CWF19L2: variants seen among roughly 807,000 people sequenced by gnomAD.
The protein encoded by CWF19L2 is CWF19-like protein 2.
A neutral mutation model predicts 111.7 loss-of-function variants in CWF19L2; 98 were observed. The observed-to-expected ratio is 0.88, with a 90% CI of 0.75 to 1.04. The LOEUF is 1.04. Among genes scored for constraint, CWF19L2 ranks in the 50% least tolerant of loss-of-function variants. The probability of loss-of-function intolerance (pLI) is 0.00; values close to 1 mark genes in which losing one functional copy is unlikely to be tolerated. For synonymous variants in CWF19L2, 351 were observed against 342.9 expected, an observed-to-expected ratio of 1.02 and a Z score of -0.26; for missense variants, 1,101 against 1,051.4, an observed-to-expected ratio of 1.05 and a Z score of -0.65.
chr11:107,353,695 G>C lies in CWF19L2; in HGVS notation c.1914C>G (p.Asp638Glu). The stretch of plus-strand genomic sequence containing the variant: ...TCTCAGCTGCTTTGGAGACAAACAT[G>C]TCATCCAGGGTGTAATAGTCTCCAT... ...KTDGDYYTLD[D>E]MFVSKAAERE... The change falls in exon 13 of 18, where the codon GAC becomes GAG. Residue 638 changes from aspartate (D) to glutamate (E), a missense_variant. Asp to Glu is a conservative substitution (Grantham distance 45, BLOSUM62 2). Coordinates refer to ENST00000282251, the MANE Select transcript of CWF19L2 (RefSeq NM_152434.3). The C allele has an allele frequency of 6.2e-7, 1 of 1,613,702 alleles. No individual in the cohort carries two copies. Among genetic ancestry groups the C allele is most frequent in the South Asian group, 1.1e-5 (1 of 91,074 alleles).
At chr11:107,443,237 T>C (rs1249101485) in intron 3 of CWF19L2, among the ~76,000 whole-genome samples, 188 bp from the exon 4 acceptor site, 1 of 152,116 alleles carries the variant, frequency 6.6e-6, no homozygotes, top group Non-Finnish European at 1.5e-5. Context: ...TCTCAGCACT[T>C]TGGGAGGCTG....
chr11:107,392,265 G>A (rs531447694), intron 11 of CWF19L2, among the ~76,000 whole-genome samples: 34 of 152,286 alleles, frequency 2.2e-4, no homozygotes, highest in African/African-American at 7.9e-4. Context: ...ACTTGAGAAA[G>A]CTGAATATGT....
At chr11:107,378,938 G>A (rs577910368) in intron 12 of CWF19L2, among the ~76,000 whole-genome samples, 122 of 152,258 alleles carry the variant, frequency 8.0e-4, no homozygotes, top group Middle Eastern at 3.4e-3. Flanking sequence ...TGACAGACTG[G>A]ATGTGGAGAA....
intron 12 of CWF19L2, among the ~76,000 whole-genome samples, chr11:107,388,158 T>C (rs976329622): frequency 2.0e-5 from 3 of 152,176 alleles, no homozygotes; most frequent in Admixed American, 6.5e-5. Flanking sequence ...CTGTTGAAAA[T>C]ATCATCGCAG....
rs748896659 is a variant in CWF19L2, at chr11:107,418,276, C to T, written c.1445G>A (p.Arg482His). ...TKSTFAGSPERESIHILSVDE... is the reference protein window; with the variant it reads ...TKSTFAGSPEHESIHILSVDE... ...AACACTCAGGATGTGAATGGACTCA[C>T]GCTCTGGACTGCTATTGGAATAGGA... is the stretch of plus-strand genomic sequence containing the variant. Residue 482 changes from arginine (R) to histidine (H), a missense_variant, in exon 9 of 18, where the codon CGT becomes CAT. Physicochemically the swap from Arg to His is conservative, Grantham distance 29 (BLOSUM62 0). Coordinates refer to ENST00000282251, the MANE Select transcript of CWF19L2 (RefSeq NM_152434.3). 5.6e-6 allele frequency: 9 copies of T among 1,609,808 alleles called. No individual in the cohort carries two copies. Among genetic ancestry groups the T allele is most frequent in the East Asian group, 2.2e-5 (1 of 44,860 alleles).
At chr11:107,386,308 C>T (rs1215701008) in intron 12 of CWF19L2, among the ~76,000 whole-genome samples, 1 of 152,114 alleles carries the variant, frequency 6.6e-6, no homozygotes, top group Non-Finnish European at 1.5e-5. Context: ...GCCGCCACTC[C>T]TGTTCATTTT....
chr11:107,442,822 GA>G, intron 4 of CWF19L2, 116 bp downstream of exon 4: 1 of 499,446 alleles, frequency 2.0e-6, no homozygotes, highest in Admixed American at 3.1e-5. Flanking sequence ...GAGGGAGGGG[GA>G]GGGAGGGAGA....
Position 107,392,877 on chromosome 11 carries a change from C to T in CWF19L2, c.1636G>A (p.Val546Ile). Residue 546 changes from valine to isoleucine, a missense_variant, in exon 11 of 18, where the codon GTA becomes ATA. Coordinates refer to ENST00000282251, the MANE Select transcript of CWF19L2 (RefSeq NM_152434.3). ...GACTGATCTGTTCTGACAAGGATTA[C>T]TTCTTGCTGGTCTTCATTCTATAAA... ...SGVENEDQQE[V>I]ILVRTDQSGR... 1 of 1,566,456 alleles carries T rather than the reference C, an allele frequency of 6.4e-7. No homozygotes were observed. The highest frequency in any genetic ancestry group is 2.1e-5 in the Admixed American group (1 of 48,018).
Position 107,416,135 on chromosome 11 carries a change from T to C in CWF19L2, c.1617+74A>G, listed in dbSNP as rs182044722. On this transcript the variant is annotated intron_variant, in intron 10 of 17. Coordinates refer to ENST00000282251, the MANE Select transcript of CWF19L2 (RefSeq NM_152434.3). ...AAATAAAATAAAAAATAAAATAAAA[T>C]AAAATAAAATATTACCACTGCCCGG... The C allele has an allele frequency of 2.1e-4, 80 of 384,316 alleles. No individual in the cohort carries two copies. In the Admixed American group the frequency reaches 2.2e-3, roughly 11 times the overall value. The allele number at this position is 384,316 out of a possible 1,614,324, so 23.8% of individuals were successfully genotyped here. A position where few individuals can be genotyped will look rare whatever the true frequency, so the allele number is the denominator to read the frequency against.
At chr11:107,360,762 C>A (rs1203624131) in intron 12 of CWF19L2, among the ~76,000 whole-genome samples, 5 of 152,106 alleles carry the variant, frequency 3.3e-5, no homozygotes, top group South Asian at 2.1e-4. Flanking sequence ...TTTTCATTTA[C>A]CTGTTGACCA....
chr11:107,371,785 T>C lies in CWF19L2; in HGVS notation c.1873-18049A>G, dbSNP rs571069142. 9.3e-4 allele frequency among the ~76,000 whole-genome samples: 128 copies of C among 137,080 alleles called. 25 individuals carry two copies. The highest frequency in any genetic ancestry group is 5.7e-4 in the Admixed American group (8 of 13,950). The allele number at this position is 137,080 out of a possible 152,430, so 89.9% of individuals were successfully genotyped here. A position where few individuals can be genotyped will look rare whatever the true frequency, so the allele number is the denominator to read the frequency against. ...TGACAATTTCTCCGCAGCTCGGTCA[T>C]TGCTGTCACCATTCTGACATTCTTA... On this transcript the variant is annotated intron_variant, in intron 12 of 17. Coordinates refer to ENST00000282251, the MANE Select transcript of CWF19L2 (RefSeq NM_152434.3).
intron 14 of CWF19L2, 61 bp from the exon 15 acceptor site, chr11:107,336,774 T>G: frequency 1.1e-6 from 1 of 890,552 alleles, no homozygotes; most frequent in Non-Finnish European, 1.7e-6. Context: ...ATCAAGCATA[T>G]TCAAGATATT....
At chr11:107,355,003 C>A (rs1163121977) in intron 12 of CWF19L2, among the ~76,000 whole-genome samples, 1 of 152,172 alleles carries the variant, frequency 6.6e-6, no homozygotes, top group East Asian at 1.9e-4. Context: ...CTGTATCACA[C>A]TCATTAACTT....
intron 5 of CWF19L2, among the ~76,000 whole-genome samples, chr11:107,441,194 T>C (rs1227695572): frequency 6.6e-6 from 1 of 152,186 alleles, no homozygotes; most frequent in Non-Finnish European, 1.5e-5. Context: ...ATTTTCATGG[T>C]GTCTAATTCA....
intron 12 of CWF19L2, among the ~76,000 whole-genome samples, chr11:107,384,528 T>C (rs1860736997): frequency 6.6e-6 from 1 of 152,228 alleles, no homozygotes; most frequent in Non-Finnish European, 1.5e-5. Flanking sequence ...AATTTTTGGA[T>C]GAGGTATGTT....
At position 107,428,941 on chromosome 11, in the gene CWF19L2, A is replaced by T. The variant is rs1380350253; in HGVS notation, c.1291T>A (p.Ser431Thr). The T allele has an allele frequency of 1.9e-6, 3 of 1,613,000 alleles. No homozygotes were observed. Residue 431 changes from serine to threonine, a missense_variant, in exon 8 of 18, where the codon TCA (serine) becomes ACA (threonine). Ser to Thr is a moderately conservative substitution (Grantham distance 58, BLOSUM62 1). Coordinates refer to ENST00000282251, the MANE Select transcript of CWF19L2 (RefSeq NM_152434.3). ...RSDGRGDKKHSNQKPSETSTD... is the reference protein window; with the variant it reads ...RSDGRGDKKHTNQKPSETSTD... ...CTGGTTTCCGATGGCTTTTGATTTG[A>T]ATGTTTCTTGTCTCCTCTCCCATCA...
At chr11:107,450,564 A>G (rs2135429127) in intron 3 of CWF19L2, among the ~76,000 whole-genome samples, 1 of 152,200 alleles carries the variant, frequency 6.6e-6, no homozygotes, top group East Asian at 1.9e-4. Context: ...TCAATCAATC[A>G]ATAAAATAAA....
At chr11:107,407,843 A>G in intron 10 of CWF19L2, among the ~76,000 whole-genome samples, 1 of 152,062 alleles carries the variant, frequency 6.6e-6, no homozygotes, top group East Asian at 1.9e-4. Flanking sequence ...AACACAATAA[A>G]AAAAATTTTT....
At chr11:107,329,845 T>C (rs1859816336) in intron 17 of CWF19L2, 73 bp downstream of exon 17, 6 of 1,231,008 alleles carry the variant, frequency 4.9e-6, no homozygotes, top group Non-Finnish European at 6.7e-6. Flanking sequence ...GTGCCCAAAG[T>C]TTTTATTTCC....
Sources: gnomAD v4.1 joint callset for allele counts (sites outside exome capture counted in the v4.1 genomes callset) on GRCh38, gnomAD v4.1.1 for gene constraint, MANE v1.5 for transcripts, NCBI Gene and HGNC (gene_info 2026-07-23, HGNC 2026-07-21) for gene names.